ATXN7L1: variants seen among roughly 807,000 people sequenced by gnomAD.
The protein encoded by ATXN7L1 is ataxin 7 like 1, also known as ataxin-7-like protein 1.
In ATXN7L1, 15 loss-of-function variants were observed where a neutral mutation model predicts 70.8. The observed-to-expected ratio is 0.21, with a 90% CI of 0.14 to 0.33. The LOEUF is 0.33. Ranked by LOEUF, ATXN7L1 falls within the 10% of genes least tolerant of loss-of-function variation. The pLI, the probability that ATXN7L1 is intolerant of heterozygous loss-of-function variation, is 1.00. For missense variants in ATXN7L1, 975 were observed against 1,097.1 expected (o/e 0.89, Z 1.57); for synonymous variants, 440 against 445.1 (o/e 0.99, Z 0.14).
At position 105,874,871 on chromosome 7, in the gene ATXN7L1, A is replaced by G. The variant is rs1406783440; in HGVS notation, c.250+941T>C. Among the ~76,000 whole-genome samples the G allele has an allele frequency of 2.0e-5, 3 of 152,166 alleles. 1 individual carries two copies. The highest frequency in any genetic ancestry group is 3.8e-4 in the East Asian group (2 of 5,196). ...TTTCTCCATTCATTTGGGATGACCA[A>G]TGCACCTATGGCCTACTTATGTCTG... is the stretch of plus-strand genomic sequence containing the variant. On this transcript the variant is annotated intron_variant, in intron 2 of 11. Transcript: ENST00000419735.
chr7:105,672,531 A>G (rs920560786), intron 3 of ATXN7L1, among the ~76,000 whole-genome samples: 2 of 152,224 alleles, frequency 1.3e-5, no homozygotes, highest in Non-Finnish European at 2.9e-5. Flanking sequence ...TAAAAAACTG[A>G]TTTAAAAAGT....
intron 3 of ATXN7L1, among the ~76,000 whole-genome samples, chr7:105,748,185 T>C (rs894709267): frequency 2.0e-4 from 31 of 151,360 alleles, no homozygotes; most frequent in Non-Finnish European, 3.4e-4. Flanking sequence ...GAAAAACACA[T>C]TGAGCATGAT....
At chr7:105,633,950 G>A (rs907827871) in intron 7 of ATXN7L1, among the ~76,000 whole-genome samples, 2 of 152,186 alleles carry the variant, frequency 1.3e-5, no homozygotes, top group Non-Finnish European at 1.5e-5. Context: ...ACACCAGGAG[G>A]AGGGAGTTCC....
At chr7:105,671,104 C>CAAAAAAAAAAAAAAAAAAAAAAA (rs71155469) in intron 3 of ATXN7L1, among the ~76,000 whole-genome samples, 9 of 89,702 alleles carry the variant, frequency 1.0e-4, no homozygotes, top group African/African-American at 3.3e-4. Context: ...GACTACGTCT[C>CAAAAAAAAAAAAAAAAAAAAAAA]AAAAAAAAAA....
intron 4 of ATXN7L1, among the ~76,000 whole-genome samples, chr7:105,654,885 GA>G (rs1800376900): frequency 6.6e-6 from 1 of 151,292 alleles, no homozygotes; most frequent in Non-Finnish European, 1.5e-5. Flanking sequence ...GGATTACAGG[GA>G]CACACCACTA....
intron 3 of ATXN7L1, among the ~76,000 whole-genome samples, chr7:105,740,769 A>AG (rs1797907152): frequency 1.2e-5 from 1 of 85,702 alleles, no homozygotes. Context: ...GGCTCCATTC[A>AG]TTTTTTTTTT....
At chr7:105,664,575 G>GTGTGTGTATGTGTGTATA in intron 4 of ATXN7L1, among the ~76,000 whole-genome samples, 7 of 131,956 alleles carry the variant, frequency 5.3e-5, no homozygotes, top group African/African-American at 1.4e-4. Context: ...GTATGTGTGT[G>GTGTGTGTATGTGTGTATA]TATATATATA....
chr7:105,819,153 G>C (rs981838685), intron 2 of ATXN7L1, among the ~76,000 whole-genome samples: 8 of 151,532 alleles, frequency 5.3e-5, no homozygotes, highest in Non-Finnish European at 1.0e-4. Context: ...CTGTCCTTGT[G>C]ATAGTTTGCT....
chr7:105,732,485 C>T (rs1458718234), intron 3 of ATXN7L1, among the ~76,000 whole-genome samples: 4 of 152,010 alleles, frequency 2.6e-5, no homozygotes, highest in African/African-American at 9.7e-5. Context: ...AGTTTTAGGA[C>T]TATGAGGTCA....
intron 2 of ATXN7L1, among the ~76,000 whole-genome samples, chr7:105,865,108 TAA>T (rs1446288756): frequency 2.0e-5 from 3 of 152,182 alleles, no homozygotes; most frequent in Non-Finnish European, 4.4e-5. Flanking sequence ...TGGCAGCTCT[TAA>T]GACAAAGGCG....
At chr7:105,797,357 C>T (rs1473528585) in intron 2 of ATXN7L1, among the ~76,000 whole-genome samples, 3 of 152,336 alleles carry the variant, frequency 2.0e-5, no homozygotes, top group African/African-American at 4.8e-5. Flanking sequence ...AACCACCCAA[C>T]AAAACATGAC....
chr7:105,662,582 A>C (rs1584591483), intron 4 of ATXN7L1, among the ~76,000 whole-genome samples: 3 of 152,092 alleles, frequency 2.0e-5, no homozygotes, highest in South Asian at 2.1e-4. Context: ...GAGACCTCTC[A>C]TTTGCTCTTT....
intron 7 of ATXN7L1, among the ~76,000 whole-genome samples, chr7:105,625,257 ATTTG>A (rs1253640376): frequency 4.6e-5 from 7 of 152,064 alleles, no homozygotes; most frequent in Non-Finnish European, 8.8e-5. Flanking sequence ...TTATTTATTT[ATTTG>A]TTTGTTTACG....
At chr7:105,816,814 C>T (rs146495175) in intron 2 of ATXN7L1, among the ~76,000 whole-genome samples, 8 of 152,322 alleles carry the variant, frequency 5.3e-5, no homozygotes, top group Admixed American at 1.3e-4. Context: ...GCAGGGAGCA[C>T]GGTGAGATGC....
intron 3 of ATXN7L1, among the ~76,000 whole-genome samples, chr7:105,750,637 A>T (rs1045443821): frequency 3.3e-5 from 5 of 152,094 alleles, no homozygotes; most frequent in African/African-American, 1.2e-4. Flanking sequence ...CCCCGTCTCT[A>T]CTAAAAAATA....
chr7:105,678,381 A>G (rs1324211979), intron 3 of ATXN7L1, among the ~76,000 whole-genome samples: 1 of 152,174 alleles, frequency 6.6e-6, no homozygotes, highest in African/African-American at 2.4e-5. Context: ...AGCCCTAGCT[A>G]GAAACCAGCC....
At chr7:105,780,697 A>G (rs1803400136) in intron 3 of ATXN7L1, among the ~76,000 whole-genome samples, 1 of 152,034 alleles carries the variant, frequency 6.6e-6, no homozygotes, top group Non-Finnish European at 1.5e-5. Context: ...TGAAGGTGTT[A>G]TTTCTTTTGC....
chr7:105,735,693 A>G (rs1013206371), intron 3 of ATXN7L1, among the ~76,000 whole-genome samples: 2 of 152,204 alleles, frequency 1.3e-5, no homozygotes, highest in African/African-American at 4.8e-5. Flanking sequence ...ATTATAAAGC[A>G]AACACCAGAC....
At chr7:105,854,003 G>A (rs74916239) in intron 2 of ATXN7L1, among the ~76,000 whole-genome samples, 1 of 152,170 alleles carries the variant, frequency 6.6e-6, no homozygotes, top group African/African-American at 2.4e-5. Context: ...TCTAAGCACC[G>A]ACTGGCTGAA....
Sources: gnomAD v4.1 joint callset for allele counts (sites outside exome capture counted in the v4.1 genomes callset) on GRCh38, gnomAD v4.1.1 for gene constraint, MANE v1.5 for transcripts, NCBI Gene and HGNC (gene_info 2026-07-23, HGNC 2026-07-21) for gene names.